Variants in PGBD2 observed in about 807,000 individuals in gnomAD.
PGBD2 encodes piggyBac transposable element derived 2, also known as piggyBac transposable element-derived protein 2.
In PGBD2, 6 loss-of-function variants were observed where a neutral mutation model predicts 8.1. The ratio of observed to expected loss-of-function variants is 0.74; its 90% confidence interval spans 0.40 to 1.46. The LOEUF (loss-of-function observed/expected upper bound fraction) is 1.46, where lower values mean the gene tolerates loss of function less well. Ranked by LOEUF, PGBD2 falls within the 40% of genes most tolerant of loss-of-function variation. The pLI is 0.02. For missense variants in PGBD2, 802 were observed against 739.0 expected (o/e 1.09, Z -0.99); for synonymous variants, 318 against 272.2 (o/e 1.17, Z -1.66).
upstream of PGBD2, among the ~76,000 whole-genome samples, chr1:248,903,409 G>A (rs964006897): frequency 6.6e-6 from 1 of 152,110 alleles, no homozygotes; most frequent in African/African-American, 2.4e-5. Context: ...GGCTGGTCTT[G>A]AACTCTTGGC....
At chr1:248,914,922 G>T (rs753492227) in intron 2 of PGBD2, among the ~76,000 whole-genome samples, 1 of 152,124 alleles carries the variant, frequency 6.6e-6, no homozygotes, top group Non-Finnish European at 1.5e-5. Context: ...TGCAGATGTT[G>T]AATCCCTTCA....
downstream of PGBD2, among the ~76,000 whole-genome samples, chr1:248,922,470 C>T (rs1662306440): frequency 6.6e-6 from 1 of 152,192 alleles, no homozygotes; most frequent in Non-Finnish European, 1.5e-5. Flanking sequence ...CCTCATTGCC[C>T]TGGCCAGAAC....
chr1:248,920,340 C>G (rs1662259093), downstream of PGBD2, among the ~76,000 whole-genome samples: 1 of 151,988 alleles, frequency 6.6e-6, no homozygotes, highest in African/African-American at 2.4e-5. Context: ...GGTTCCCCTC[C>G]CTATGTCCAT....
At chr1:248,894,340 C>A in the PGBD2 span, among the ~76,000 whole-genome samples, 1 of 151,778 alleles carries the variant, frequency 6.6e-6, no homozygotes, top group South Asian at 2.1e-4. Flanking sequence ...ATTGCCTGGA[C>A]CTAGAAAAGT....
chr1:248,885,288 C>T, the PGBD2 span, among the ~76,000 whole-genome samples: 4 of 151,136 alleles, frequency 2.6e-5, no homozygotes, highest in Admixed American at 6.6e-5. Context: ...GCATGAGCCA[C>T]GATGTCTGGC....
At chr1:248,913,782 AT>A (rs748670670) in intron 1 of PGBD2, 33 bp from the exon 2 acceptor site, 194 of 1,135,918 alleles carry the variant, frequency 1.7e-4, no homozygotes, top group East Asian at 4.9e-4. Flanking sequence ...TTAAGATACA[AT>A]TTTTTTTTAA....
chr1:248,889,147 G>A, the PGBD2 span, among the ~76,000 whole-genome samples: 3 of 152,172 alleles, frequency 2.0e-5, no homozygotes, highest in Non-Finnish European at 4.4e-5. Context: ...AGCACTTTGA[G>A]AGGCCAAGGT....
intron 1 of PGBD2, among the ~76,000 whole-genome samples, chr1:248,913,536 G>A (rs1431880639): frequency 6.6e-6 from 1 of 152,088 alleles, no homozygotes; most frequent in African/African-American, 2.4e-5. Context: ...TAGAAGCCAG[G>A]GATGCCGCTA....
At chr1:248,910,146 G>GT (rs1005696049) in intron 1 of PGBD2, among the ~76,000 whole-genome samples, 3 of 152,194 alleles carry the variant, frequency 2.0e-5, no homozygotes, top group Non-Finnish European at 4.4e-5. Flanking sequence ...AAGTCAGACT[G>GT]TTTGAGTTTT....
chr1:248,878,520 T>A, the PGBD2 span, among the ~76,000 whole-genome samples: 1 of 151,904 alleles, frequency 6.6e-6, no homozygotes, highest in South Asian at 2.1e-4. Flanking sequence ...AAGGTAAGAG[T>A]GGGGGTTGCT....
chr1:248,876,774 G>C, the PGBD2 span, among the ~76,000 whole-genome samples: 55 of 152,268 alleles, frequency 3.6e-4, no homozygotes, highest in African/African-American at 1.3e-3. Context: ...CTACATCTCT[G>C]AAATAAAAGT....
At chr1:248,876,738 C>A in the PGBD2 span, among the ~76,000 whole-genome samples, 1 of 152,140 alleles carries the variant, frequency 6.6e-6, no homozygotes, top group Non-Finnish European at 1.5e-5. Flanking sequence ...TCCCACCAGT[C>A]AATTGATTTA....
chr1:248,921,962 G>T (rs1232000187), downstream of PGBD2, among the ~76,000 whole-genome samples: 1 of 152,088 alleles, frequency 6.6e-6, no homozygotes. Flanking sequence ...GAATGCTTGT[G>T]ATTTTTGCAC....
At chr1:248,908,915 T>A (rs1481187498) in intron 1 of PGBD2, among the ~76,000 whole-genome samples, 1 of 152,138 alleles carries the variant, frequency 6.6e-6, no homozygotes, top group Non-Finnish European at 1.5e-5. Context: ...TGTCTTTTCC[T>A]CAGGGAGATA....
chr1:248,874,903 G>GAGAT, the PGBD2 span, among the ~76,000 whole-genome samples: 7,371 of 145,340 alleles, frequency 0.051, 177 homozygotes, highest in East Asian at 0.075. Flanking sequence ...TAGGTAGATA[G>GAGAT]AGATAGATAG....
the PGBD2 span, among the ~76,000 whole-genome samples, chr1:248,873,931 G>T: frequency 6.6e-6 from 1 of 152,220 alleles, no homozygotes; most frequent in Non-Finnish European, 1.5e-5. Flanking sequence ...TCTCCGGATG[G>T]AGGCGTGGGT....
chr1:248,889,213 C>T, the PGBD2 span, among the ~76,000 whole-genome samples: 2 of 152,054 alleles, frequency 1.3e-5, no homozygotes, highest in Non-Finnish European at 2.9e-5. Context: ...GGCGAAACCC[C>T]ATCTCTACCA....
At chr1:248,927,685 A>T in the PGBD2 span, among the ~76,000 whole-genome samples, 37 of 152,190 alleles carry the variant, frequency 2.4e-4, no homozygotes, top group Non-Finnish European at 4.0e-4. Context: ...ACCCTGTTTT[A>T]GAAAGCTCAG....
intron 2 of PGBD2, chr1:248,914,688 G>A: frequency 9.9e-7 from 1 of 1,008,084 alleles, no homozygotes; most frequent in African/African-American, 1.7e-5. Context: ...TACCCTCCAT[G>A]CTGAGTCCAT....
Sources: gnomAD v4.1 joint callset for allele counts (sites outside exome capture counted in the v4.1 genomes callset) on GRCh38, gnomAD v4.1.1 for gene constraint, MANE v1.5 for transcripts, NCBI Gene and HGNC (gene_info 2026-07-23, HGNC 2026-07-21) for gene names.